MZT2B: variants seen among roughly 807,000 people sequenced by gnomAD.
MZT2B encodes the protein mitotic spindle organizing protein 2B.
MZT2B carries 11 observed loss-of-function variants against 12.1 expected under a neutral mutation model. The ratio of observed to expected loss-of-function variants is 0.91; its 90% CI spans 0.57 to 1.50. MZT2B has a LOEUF of 1.50. Among genes scored for constraint, MZT2B ranks in the 40% most tolerant of loss-of-function variants. The pLI is 0.00. For missense variants in MZT2B, 209 were observed against 227.7 expected, an observed-to-expected ratio of 0.92 and a Z score of 0.53; for synonymous variants, 85 against 109.5, an observed-to-expected ratio of 0.78 and a Z score of 1.40.
intron 2 of MZT2B, chr2:130,183,391 C>T (rs966360371): frequency 2.9e-6 from 1 of 345,036 alleles, no homozygotes; most frequent in South Asian, 2.7e-5. Flanking sequence ...GCGGAACTCC[C>T]AGGGTGCAGA....
At chr2:130,184,001 C>T in intron 2 of MZT2B, 2 of 1,550,486 alleles carry the variant, frequency 1.3e-6, no homozygotes, top group Non-Finnish European at 1.7e-6. Context: ...GGGGTTGGTG[C>T]TCTCCCTTGT....
At chr2:130,186,629 C>G (rs757872546) in intron 2 of MZT2B, among the ~76,000 whole-genome samples, 1 of 152,010 alleles carries the variant, frequency 6.6e-6, no homozygotes, top group African/African-American at 2.4e-5. Flanking sequence ...GCCAAATGAC[C>G]GGTACAAAAG....
chr2:130,190,355 G>C, intron 2 of MZT2B, 114 bp from the exon 3 acceptor site: 1 of 1,490,238 alleles, frequency 6.7e-7, no homozygotes, highest in Non-Finnish European at 9.1e-7. Context: ...TCTAGCTGAA[G>C]GGACTTTGAT....
intron 2 of MZT2B, among the ~76,000 whole-genome samples, chr2:130,188,558 C>T (rs375211042): frequency 6.6e-6 from 1 of 152,160 alleles, no homozygotes; most frequent in Non-Finnish European, 1.5e-5. Flanking sequence ...TTCCTGACTG[C>T]GCTCCTCCTT....
chr2:130,197,308 G>A, the MZT2B span, among the ~76,000 whole-genome samples: 1 of 150,560 alleles, frequency 6.6e-6, no homozygotes, highest in South Asian at 2.1e-4. Flanking sequence ...GTAACATAGT[G>A]AGTCCCTGTC....
At chr2:130,194,011 T>C (rs7340507), downstream of MZT2B, 639,918 of 1,609,762 alleles carry the variant, frequency 0.4, 110,116 homozygotes, top group African/African-American at 0.58. Context: ...CCTTCTCAGC[T>C]GAGATGACTG....
At chr2:130,184,427 C>G in intron 2 of MZT2B, 1 of 985,444 alleles carries the variant, frequency 1.0e-6, no homozygotes. Flanking sequence ...ATATGCTGGC[C>G]CCGTGGCCAC....
At chr2:130,190,750 T>TTTG (rs1690239368), downstream of MZT2B, 2 of 1,396,010 alleles carry the variant, frequency 1.4e-6, no homozygotes, top group African/African-American at 1.7e-5. Flanking sequence ...CGTTTTTTTT[T>TTTG]TTTGTTTTTT....
At chr2:130,182,145 C>T (rs1435206918), upstream of MZT2B, 11 of 1,251,740 alleles carry the variant, frequency 8.8e-6, no homozygotes, top group Non-Finnish European at 1.1e-5. Context: ...GCCGCGGAGG[C>T]GGCCCCGTCC....
At chr2:130,187,375 A>G (rs1312290630) in intron 2 of MZT2B, among the ~76,000 whole-genome samples, 2 of 152,030 alleles carry the variant, frequency 1.3e-5, no homozygotes, top group Non-Finnish European at 2.9e-5. Context: ...TTTTGTAGAG[A>G]TGGAGGTCTC....
intron 2 of MZT2B, chr2:130,188,223 A>G (rs1376644005): frequency 6.4e-6 from 1 of 155,994 alleles, no homozygotes; most frequent in African/African-American, 2.4e-5. Flanking sequence ...GCGGCCTGCC[A>G]TGCTGCGTGC....
chr2:130,190,381 CA>C, intron 2 of MZT2B, 87 bp from the exon 3 acceptor site: 1 of 1,567,658 alleles, frequency 6.4e-7, no homozygotes. Context: ...TGTGCAGACA[CA>C]AATGTTGCCC....
intron 2 of MZT2B, chr2:130,188,248 A>C (rs954229152): frequency 2.5e-5 from 4 of 160,524 alleles, no homozygotes; most frequent in African/African-American, 9.7e-5. Flanking sequence ...GGGAGCTGAG[A>C]GCGCATGGGC....
At chr2:130,186,943 G>T (rs1390565490) in intron 2 of MZT2B, among the ~76,000 whole-genome samples, 3 of 127,092 alleles carry the variant, frequency 2.4e-5, no homozygotes, top group African/African-American at 8.8e-5. Context: ...ATGAGGCTGG[G>T]CATTGGTTCA....
At chr2:130,183,320 G>A (rs1272013891) in intron 2 of MZT2B, 30 of 284,784 alleles carry the variant, frequency 1.1e-4, no homozygotes, top group Non-Finnish European at 1.8e-4. Flanking sequence ...CAGTTCCTGC[G>A]CAGGGGCTTG....
downstream of MZT2B, chr2:130,191,637 C>T (rs565889299): frequency 3.5e-5 from 34 of 965,572 alleles, no homozygotes; most frequent in Admixed American, 2.9e-4. Flanking sequence ...CCTGCTGCAC[C>T]CAACCCCACG....
At chr2:130,181,759 T>A, upstream of MZT2B, 1 of 1,547,782 alleles carries the variant, frequency 6.5e-7, no homozygotes, top group Non-Finnish European at 8.7e-7. Context: ...GGTCCTTAGC[T>A]GAATGCGCCT....
In MZT2B at chr2:130,182,402, G is replaced by C. The variant is rs1477324998; in HGVS notation, c.120G>C (p.Leu40=). The C allele has an allele frequency of 1.3e-6, 2 of 1,564,218 alleles. No homozygotes were observed. The highest frequency in any genetic ancestry group is 1.2e-5 in the South Asian group (1 of 85,472). ...TGCTGAGCACCGAGGAGATGGAGCT[G>C]TACGAGCTGGCGCAGGCGGCGGGCG... is the stretch of plus-strand genomic sequence containing the variant. The part of the protein sequence containing the change: ...KKVLSTEEME[L]YELAQAAGGA... The change falls in exon 1 of 3, where the codon CTG becomes CTC. Residue 40 remains leucine, a synonymous_variant. Transcript: ENST00000281871.
At chr2:130,198,517 C>T in the MZT2B span, 5 of 913,752 alleles carry the variant, frequency 5.5e-6, no homozygotes, top group Non-Finnish European at 4.7e-6. Flanking sequence ...GGGAGGCAGG[C>T]CGAGGGCCGG....
Sources: allele counts gnomAD v4.1 joint callset (sites outside exome capture counted in the v4.1 genomes callset), GRCh38; gene constraint gnomAD v4.1.1; transcripts MANE v1.5; gene names NCBI Gene and HGNC (gene_info 2026-07-23, HGNC 2026-07-21).